The following PCSK2 variants were observed in gnomAD, a reference collection of about 807,000 sequenced individuals.
PCSK2 encodes the protein neuroendocrine convertase 2.
In PCSK2, 14 loss-of-function variants were observed where a neutral mutation model predicts 69.7. The observed-to-expected ratio is 0.20, with a 90% CI of 0.13 to 0.31. The LOEUF (loss-of-function observed/expected upper bound fraction) is 0.31, where lower values mean the gene tolerates loss of function less well. Among genes scored for constraint, PCSK2 ranks in the 10% least tolerant of loss-of-function variants. The probability of loss-of-function intolerance (pLI) is 1.00; values close to 1 mark genes in which losing one functional copy is unlikely to be tolerated. For missense variants in PCSK2, 544 were observed against 842.5 expected (o/e 0.65, Z 4.39); for synonymous variants, 307 against 320.7 (o/e 0.96, Z 0.46).
At chr20:17,389,878 A>G (rs1195592349) in intron 5 of PCSK2, among the ~76,000 whole-genome samples, 4 of 152,350 alleles carry the variant, frequency 2.6e-5, no homozygotes, top group African/African-American at 9.6e-5. Flanking sequence ...AATGTTAAAC[A>G]CACACTTAGC....
chr20:17,388,856 G>C (rs780044841), intron 5 of PCSK2, among the ~76,000 whole-genome samples: 2 of 152,072 alleles, frequency 1.3e-5, no homozygotes, highest in African/African-American at 4.8e-5. Context: ...GATTTTGACG[G>C]GAATATATTT....
At chr20:17,415,020 T>C (rs899617144) in intron 6 of PCSK2, among the ~76,000 whole-genome samples, 1 of 152,198 alleles carries the variant, frequency 6.6e-6, no homozygotes, top group Admixed American at 6.5e-5. Flanking sequence ...AAACTAGATA[T>C]TGATGAAATG....
chr20:17,332,831 C>G (rs970936074), intron 2 of PCSK2, among the ~76,000 whole-genome samples: 1 of 152,156 alleles, frequency 6.6e-6, no homozygotes, highest in African/African-American at 2.4e-5. Flanking sequence ...TGTATGCACC[C>G]TGCCTTTATT....
intron 4 of PCSK2, among the ~76,000 whole-genome samples, chr20:17,362,473 T>A (rs1179820204): frequency 6.6e-6 from 1 of 151,684 alleles, no homozygotes; most frequent in Non-Finnish European, 1.5e-5. Flanking sequence ...GCAGGTGGAG[T>A]CAGAAGGAAG....
intron 6 of PCSK2, among the ~76,000 whole-genome samples, chr20:17,415,078 C>T (rs2031969010): frequency 6.6e-6 from 1 of 152,168 alleles, no homozygotes; most frequent in African/African-American, 2.4e-5. Context: ...CAGCCAATAT[C>T]ATACTGAATG....
At chr20:17,461,887 A>C (rs573759536) in intron 10 of PCSK2, among the ~76,000 whole-genome samples, 97 of 152,352 alleles carry the variant, frequency 6.4e-4, no homozygotes, top group Non-Finnish European at 1.2e-3. Context: ...ACCTGTATCC[A>C]AATATCTCAT....
Position 17,443,279 on chromosome 20 carries a change from A to T in PCSK2, c.885+6396A>T, listed in dbSNP as rs114753479. 4.1e-3 allele frequency among the ~76,000 whole-genome samples: 619 copies of T among 152,330 alleles called. 3 individuals carry two copies. The highest frequency in any genetic ancestry group is 0.014 in the African/African-American group (596 of 41,576). On this transcript the variant is annotated intron_variant, in intron 8 of 11. Transcript: ENST00000262545. ...AATTCAACCCATCTGAAACAGCAAC[A>T]GGAGCCTGACATTTGAGTGACACAA...
chr20:17,450,178 G>A (rs6136099), intron 8 of PCSK2, among the ~76,000 whole-genome samples: 3,984 of 151,824 alleles, frequency 0.026, 146 homozygotes, highest in East Asian at 0.18. Flanking sequence ...ACAGGCGCCC[G>A]CCACCTCGCC....
chr20:17,340,979 G>T (rs947816866), intron 2 of PCSK2, among the ~76,000 whole-genome samples: 1 of 152,212 alleles, frequency 6.6e-6, no homozygotes, highest in Non-Finnish European at 1.5e-5. Context: ...GCCGGGCGCA[G>T]TGGCTCATAC....
intron 2 of PCSK2, among the ~76,000 whole-genome samples, chr20:17,340,205 C>A (rs1207312068): frequency 6.6e-6 from 1 of 152,188 alleles, no homozygotes; most frequent in Non-Finnish European, 1.5e-5. Flanking sequence ...TGCAGGTCCC[C>A]ATGAAAAGAT....
intron 8 of PCSK2, among the ~76,000 whole-genome samples, chr20:17,438,774 C>T (rs1012650467): frequency 6.6e-6 from 1 of 152,212 alleles, no homozygotes; most frequent in African/African-American, 2.4e-5. Context: ...AGCCCACAGC[C>T]GATGACTAAG....
chr20:17,435,438 C>A (rs1490614763), intron 7 of PCSK2, among the ~76,000 whole-genome samples: 1 of 152,170 alleles, frequency 6.6e-6, no homozygotes, highest in Non-Finnish European at 1.5e-5. Context: ...AAAGTGAGAT[C>A]CTCGAGTCTC....
chr20:17,234,770 T>A lies in PCSK2; in HGVS notation c.177+7288T>A, dbSNP rs574432978. On this transcript the variant is annotated intron_variant, in intron 1 of 11. Transcript: ENST00000262545. ...GCACATCAGATAGTGATGCTATAGT[T>A]AGGTTCACAATAATTATATATTCCA... is the stretch of plus-strand genomic sequence containing the variant. 2.0e-5 allele frequency among the ~76,000 whole-genome samples: 3 copies of A among 152,312 alleles called. No homozygotes were observed. In the South Asian group the frequency reaches 6.2e-4, roughly 32 times the overall value.
intron 4 of PCSK2, among the ~76,000 whole-genome samples, chr20:17,361,982 A>G (rs1189928561): frequency 6.6e-6 from 1 of 152,242 alleles, no homozygotes; most frequent in Non-Finnish European, 1.5e-5. Flanking sequence ...AGATATTGTC[A>G]TGACCATTTC....
chr20:17,351,923 A>ATGATATGAT (rs1245020819), intron 2 of PCSK2, among the ~76,000 whole-genome samples: 1 of 152,210 alleles, frequency 6.6e-6, no homozygotes, highest in African/African-American at 2.4e-5. Flanking sequence ...CTCTTCATTT[A>ATGATATGAT]TGATATGATT....
chr20:17,463,443 G>C (rs940740081), intron 10 of PCSK2: 2 of 151,842 alleles, frequency 1.3e-5, no homozygotes, highest in African/African-American at 2.4e-5. Context: ...ATATGTCCAA[G>C]ACATGTTCTG....
intron 6 of PCSK2, among the ~76,000 whole-genome samples, chr20:17,410,973 G>T (rs2031859011): frequency 6.6e-6 from 1 of 152,178 alleles, no homozygotes; most frequent in Non-Finnish European, 1.5e-5. Context: ...GTCTTTGATG[G>T]ATTGATGTAA....
At chr20:17,356,305 C>T (rs914504689) in intron 2 of PCSK2, among the ~76,000 whole-genome samples, 1 of 152,080 alleles carries the variant, frequency 6.6e-6, no homozygotes, top group Non-Finnish European at 1.5e-5. Context: ...AAGCTTGCCA[C>T]AGTGACTGTG....
intron 11 of PCSK2, among the ~76,000 whole-genome samples, chr20:17,478,346 A>G (rs1188742306): frequency 5.3e-5 from 8 of 152,200 alleles, no homozygotes. Flanking sequence ...TATGCCCATA[A>G]TAGGCATCTG....
Sources: gnomAD v4.1 joint callset for allele counts (sites outside exome capture counted in the v4.1 genomes callset) on GRCh38, gnomAD v4.1.1 for gene constraint, MANE v1.5 for transcripts, NCBI Gene and HGNC (gene_info 2026-07-23, HGNC 2026-07-21) for gene names.